The following RUVBL1 variants were observed in gnomAD, a reference collection of about 807,000 sequenced individuals.
The protein encoded by RUVBL1 is RuvB like AAA ATPase 1.
Under a neutral mutation model 52.4 loss-of-function variants are expected in RUVBL1, and 4 were observed. The ratio of observed to expected loss-of-function variants is 0.08; its 90% CI spans 0.04 to 0.17. The LOEUF (loss-of-function observed/expected upper bound fraction) is 0.17, where lower values mean the gene tolerates loss of function less well. Among genes scored for constraint, RUVBL1 ranks in the 10% least tolerant of loss-of-function variants. RUVBL1 has a pLI of 1.00. For synonymous variants in RUVBL1, 217 were observed against 214.4 expected, an observed-to-expected ratio of 1.01 and a Z score of -0.10; for missense variants, 298 against 572.8, an observed-to-expected ratio of 0.52 and a Z score of 4.90.
At chr3:128,146,555 T>C (rs530902908) in intron 1 of RUVBL1, among the ~76,000 whole-genome samples, 2 of 151,670 alleles carry the variant, frequency 1.3e-5, no homozygotes, top group African/African-American at 4.8e-5. Flanking sequence ...TGCACGGGCA[T>C]GTGCATGTGC....
At chr3:128,088,437 T>G (rs541962853) in intron 8 of RUVBL1, among the ~76,000 whole-genome samples, 1 of 148,594 alleles carries the variant, frequency 6.7e-6, no homozygotes, top group South Asian at 2.1e-4. Flanking sequence ...ATATACTATA[T>G]TATAGTATAT....
At position 128,112,753 on chromosome 3, in the gene RUVBL1, G is replaced by A. The variant is rs1028896234; in HGVS notation, c.361+135C>T. 5.2e-6 allele frequency: 5 copies of A among 958,044 alleles called. No individual in the cohort carries two copies. The African/African-American group carries it at 8.2e-5, about 16-fold the overall frequency. 59.3% of individuals were successfully genotyped at this position (958,044 alleles called of 1,614,324 possible). On this transcript the variant is annotated intron_variant, in intron 3 of 10. Coordinates refer to ENST00000322623, the MANE Select transcript of RUVBL1 (RefSeq NM_003707.3). Reference sequence around the variant, plus strand: ...GGTTTTGTTTTATTTGAAAAATAATGCACTACTAAGTGCCAAAAGAAAAAC... The same window carrying A: ...GGTTTTGTTTTATTTGAAAAATAATACACTACTAAGTGCCAAAAGAAAAAC...
intron 4 of RUVBL1, among the ~76,000 whole-genome samples, chr3:128,104,392 C>T (rs1056315530): frequency 6.6e-6 from 1 of 152,204 alleles, no homozygotes; most frequent in African/African-American, 2.4e-5. Flanking sequence ...AATGCTGTTT[C>T]TTTCTATGAG....
chr3:128,121,783 T>C (rs1318560048), intron 1 of RUVBL1, among the ~76,000 whole-genome samples: 2 of 150,818 alleles, frequency 1.3e-5, no homozygotes, highest in Non-Finnish European at 1.5e-5. Flanking sequence ...TCCCCAGCAC[T>C]GAAGCTCTTT....
chr3:128,149,432 G>C (rs73192978), intron 1 of RUVBL1, among the ~76,000 whole-genome samples: 1 of 152,002 alleles, frequency 6.6e-6, no homozygotes, highest in African/African-American at 2.4e-5. Flanking sequence ...TGATCTGCCC[G>C]CCTTCGCCTC....
chr3:128,111,181 C>T (rs1187708533), intron 3 of RUVBL1, among the ~76,000 whole-genome samples: 4 of 148,876 alleles, frequency 2.7e-5, no homozygotes, highest in African/African-American at 7.5e-5. Flanking sequence ...GCTGAGATCA[C>T]GCCACTGCAC....
chr3:128,090,533 T>A (rs1194707830), intron 8 of RUVBL1, among the ~76,000 whole-genome samples: 2 of 152,074 alleles, frequency 1.3e-5, no homozygotes, highest in Admixed American at 6.5e-5. Context: ...CAAAAAAAAA[T>A]TAAAATCTTC....
Position 128,153,778 on chromosome 3 carries a change from G to T in RUVBL1, c.-615C>A, listed in dbSNP as rs188146679. 1.1e-5 allele frequency: 17 copies of T among 1,534,356 alleles called. No individual in the cohort carries two copies. In the African/African-American group the frequency reaches 2.0e-4, roughly 18 times the overall value. On this transcript the variant is annotated 5_prime_UTR_variant, in exon 1 of 10. Coordinates refer to the RUVBL1 transcript ENST00000464873. ...CGAGCCACTGCTTCAGGTCACGCTGGTCGACTGCCCCGGGCACGCCTCCCT... is the reference window on the plus strand; with the variant it reads ...CGAGCCACTGCTTCAGGTCACGCTGTTCGACTGCCCCGGGCACGCCTCCCT...
intron 8 of RUVBL1, among the ~76,000 whole-genome samples, chr3:128,095,616 T>C (rs1238001966): frequency 2.0e-5 from 3 of 152,206 alleles, no homozygotes; most frequent in African/African-American, 7.2e-5. Context: ...ACGCATTCGA[T>C]TCCTAATTGC....
intron 8 of RUVBL1, 49 bp from the exon 9 acceptor site, chr3:128,087,857 A>G: frequency 7.7e-7 from 1 of 1,302,970 alleles, no homozygotes; most frequent in African/African-American, 1.5e-5. Flanking sequence ...GTTAGACAAG[A>G]AACGACACTG....
chr3:128,073,823 A>G (rs541336486), intron 9 of RUVBL1, among the ~76,000 whole-genome samples: 1 of 152,362 alleles, frequency 6.6e-6, no homozygotes, highest in South Asian at 2.1e-4. Context: ...CAGCTCAATA[A>G]GGCTAGAAAC....
chr3:128,126,199 CTTTGTGTG>C (rs1203064847), upstream of RUVBL1, among the ~76,000 whole-genome samples: 1 of 105,962 alleles, frequency 9.4e-6, no homozygotes, highest in Non-Finnish European at 2.0e-5. Context: ...AGAGTTGTTC[CTTTGTGTG>C]TGTGTGTGTG....
intron 8 of RUVBL1, among the ~76,000 whole-genome samples, chr3:128,092,815 C>A (rs2107681749): frequency 6.6e-6 from 1 of 152,306 alleles, no homozygotes; most frequent in East Asian, 1.9e-4. Context: ...TAAACAGTTA[C>A]CACTGGACCC....
chr3:128,069,697 A>G (rs773906142), intron 9 of RUVBL1: 135 of 1,598,270 alleles, frequency 8.4e-5, no homozygotes, highest in Middle Eastern at 1.7e-4. Flanking sequence ...AAGCTGCTCC[A>G]GAAGCGCCTC....
intron 4 of RUVBL1, among the ~76,000 whole-genome samples, chr3:128,102,667 C>T (rs1481968225): frequency 2.0e-5 from 3 of 152,120 alleles, no homozygotes; most frequent in Admixed American, 6.5e-5. Context: ...TAGTAGTTGC[C>T]GAGGGCTATA....
intron 1 of RUVBL1, among the ~76,000 whole-genome samples, chr3:128,138,360 A>G (rs2079641613): frequency 6.6e-6 from 1 of 152,162 alleles, no homozygotes; most frequent in African/African-American, 2.4e-5. Context: ...CAAATTCAAT[A>G]AAGTTGTAGG....
In RUVBL1 at chr3:128,082,603, G is replaced by A. The variant is rs775379545; in HGVS notation, c.1120-29C>T. 23 of 1,549,188 alleles carry A rather than the reference G, an allele frequency of 1.5e-5. No individual in the cohort carries two copies. Among genetic ancestry groups the A allele is most frequent in the Middle Eastern group, 1.7e-4 (1 of 5,936 alleles). On this transcript the variant is annotated intron_variant, in intron 9 of 10. Coordinates refer to ENST00000322623, the MANE Select transcript of RUVBL1 (RefSeq NM_003707.3). The surrounding 1 kb of genome is among the most constrained non-coding windows in gnomAD (Gnocchi z 4.7). ...TTAAAGGATAAAAAACATGATCAAC[G>A]GTGACTGACCTCAAGTGCCCCATTT...
rs1942451161 is a variant in RUVBL1 at position 128,080,825 on chromosome 3, A to G, written c.*425T>C. On this transcript the variant is annotated 3_prime_UTR_variant, in exon 11 of 11. Coordinates refer to ENST00000322623, the MANE Select transcript of RUVBL1 (RefSeq NM_003707.3). ...AAAACTGAGAAAATGTGAACGCAGT[A>G]GAATAATGCATCAGTATTGGTCATT... is the stretch of plus-strand genomic sequence containing the variant. The G allele has an allele frequency of 6.1e-6, 1 of 163,128 alleles. No individual in the cohort carries two copies. The highest frequency in any genetic ancestry group is 2.4e-5 in the African/African-American group (1 of 41,696). The allele number at this position is 163,128 out of a possible 1,614,324, so 10.1% of individuals were successfully genotyped here. A position where few individuals can be genotyped will look rare whatever the true frequency, so the allele number is the denominator to read the frequency against.
intron 8 of RUVBL1, among the ~76,000 whole-genome samples, chr3:128,094,631 G>GGTC (rs1296535478): frequency 3.9e-5 from 6 of 152,218 alleles, no homozygotes; most frequent in African/African-American, 7.2e-5. Context: ...TGAGTCTGGA[G>GGTC]ATAACCTCAA....
Sources: allele counts gnomAD v4.1 joint callset (sites outside exome capture counted in the v4.1 genomes callset), GRCh38; gene constraint gnomAD v4.1.1; non-coding constraint Gnocchi (gnomAD v3.1); transcripts MANE v1.5; gene names NCBI Gene and HGNC (gene_info 2026-07-23, HGNC 2026-07-21).